RELN: variants seen among roughly 807,000 people sequenced by gnomAD.
RELN encodes the protein reelin.
Under a neutral mutation model 427.6 loss-of-function variants are expected in RELN, and 108 were observed. The observed-to-expected ratio is 0.25, with a 90% confidence interval of 0.22 to 0.30. The LOEUF (loss-of-function observed/expected upper bound fraction) is 0.30, where lower values mean the gene tolerates loss of function less well. RELN is among the 10% of genes least tolerant of loss of function. RELN has a pLI of 1.00. For synonymous variants in RELN, 1,524 were observed against 1,513.4 expected (o/e 1.01, Z -0.16); for missense variants, 3,715 against 4,302.8 (o/e 0.86, Z 3.82).
At chr7:103,592,078 T>G (rs1831428570) in intron 27 of RELN, among the ~76,000 whole-genome samples, 1 of 152,138 alleles carries the variant, frequency 6.6e-6, no homozygotes, top group Non-Finnish European at 1.5e-5. Flanking sequence ...TAATCTGAAT[T>G]TTGTTATATA....
intron 42 of RELN, among the ~76,000 whole-genome samples, chr7:103,544,546 A>G (rs556048650): frequency 6.6e-6 from 1 of 152,308 alleles, no homozygotes; most frequent in African/African-American, 2.4e-5. Flanking sequence ...TTTTAATCCC[A>G]CTACCCTAAT....
At chr7:103,906,512 C>T (rs192042423) in intron 2 of RELN, among the ~76,000 whole-genome samples, 5 of 147,516 alleles carry the variant, frequency 3.4e-5, no homozygotes, top group Non-Finnish European at 6.0e-5. Flanking sequence ...TGGAAAGCTC[C>T]GGTACCTCAG....
At chr7:103,924,991 T>TACACACACACACAC (rs57662220) in intron 1 of RELN, among the ~76,000 whole-genome samples, 19 of 49,096 alleles carry the variant, frequency 3.9e-4, no homozygotes, top group South Asian at 9.6e-4. Context: ...CGCATACACA[T>TACACACACACACAC]ACACACACAC....
chr7:103,507,543 G>A (rs2117052252), intron 51 of RELN, among the ~76,000 whole-genome samples: 1 of 152,238 alleles, frequency 6.6e-6, no homozygotes, highest in African/African-American at 2.4e-5. Flanking sequence ...GTGTGTAGAG[G>A]GAAATTTATA....
chr7:103,601,457 A>T (rs1310339859), intron 24 of RELN, among the ~76,000 whole-genome samples: 1 of 152,170 alleles, frequency 6.6e-6, no homozygotes, highest in African/African-American at 2.4e-5. Flanking sequence ...TATTTGCATA[A>T]ATTAACACAT....
rs751584279 is a variant in RELN at position 103,652,682 on chromosome 7, G to T, written c.1632C>A (p.Asn544Lys). 1.2e-6 allele frequency: 2 copies of T among 1,612,836 alleles called. No individual in the cohort carries two copies. The highest frequency in any genetic ancestry group is 1.7e-6 in the Non-Finnish European group (2 of 1,179,290). The change falls in exon 14 of 65, where the codon AAC (asparagine) becomes AAA (lysine). Residue 544 changes from asparagine (N) to lysine (K), a missense_variant. Asn to Lys is a moderately conservative substitution (Grantham distance 94). This residue lies in a region of RELN where 2,208 missense variants were observed against 2,361.7 expected (regional missense o/e 0.93). Transcript: ENST00000428762. ...PATKFCLRQK[N>K]HQGHNRNVWA... ...AGACATTCCTATTATGTCCTTGATG[G>T]TTCTTTTGCCTGAGACAAAATTTGG...
intron 6 of RELN, among the ~76,000 whole-genome samples, chr7:103,744,434 G>A (rs1790760325): frequency 6.6e-6 from 1 of 151,898 alleles, no homozygotes; most frequent in African/African-American, 2.4e-5. Flanking sequence ...GGAAGGAAAT[G>A]GAGACACAAA....
At chr7:103,961,493 C>T (rs770440826) in intron 1 of RELN, among the ~76,000 whole-genome samples, 1 of 152,188 alleles carries the variant, frequency 6.6e-6, no homozygotes, top group Non-Finnish European at 1.5e-5. Flanking sequence ...GTAATTCACT[C>T]ACCAGGTAAT....
chr7:103,472,866 A>G lies in RELN; in HGVS notation c.10329T>C (p.His3443=). The G allele has an allele frequency of 6.2e-7, 1 of 1,613,996 alleles. No homozygotes were observed. Among genetic ancestry groups the G allele is most frequent in the Non-Finnish European group, 8.5e-7 (1 of 1,179,890 alleles). The part of the protein sequence containing the change: ...QNYMMNFSRQ[H]GLRHFYNRRR... ...TTCTGTTGTAGAAATGTCTGAGCCC[A>G]TGTTGTCGTGAAAAATTCATCATGT... Residue 3443 remains histidine, a synonymous_variant, in exon 65 of 65, where the codon CAT becomes CAC. Transcript: ENST00000428762.
At chr7:103,595,572 T>G (rs1314224796) in intron 25 of RELN, among the ~76,000 whole-genome samples, 1 of 152,190 alleles carries the variant, frequency 6.6e-6, no homozygotes, top group African/African-American at 2.4e-5. Flanking sequence ...TAAAACATAT[T>G]CAGTCTGTAA....
chr7:103,749,401 A>G (rs1330407727), intron 6 of RELN, 25 bp downstream of exon 6: 1 of 1,581,614 alleles, frequency 6.3e-7, no homozygotes, highest in African/African-American at 1.3e-5. Flanking sequence ...AGCAAACCAA[A>G]GTGAGGAATG....
At position 103,572,236 on chromosome 7, in the gene RELN, A is replaced by C. The variant is rs745779477; in HGVS notation, c.4536T>G (p.Ile1512Met). The C allele has an allele frequency of 2.5e-6, 4 of 1,587,940 alleles. No homozygotes were observed. In the East Asian group the frequency reaches 8.9e-5, roughly 35 times the overall value. Residue 1512 changes from isoleucine (I) to methionine (M), a missense_variant, in exon 31 of 65, where the codon ATT (isoleucine) becomes ATG (methionine). By Grantham distance (10) the Ile-to-Met change is conservative (BLOSUM62 1). Transcript: ENST00000428762. Reference protein sequence around the residue: ...NIRLVQFYIQIGSKTSGITCI... With the variant: ...NIRLVQFYIQMGSKTSGITCI... Reference sequence around the variant, plus strand: ...AGGTAATGCCTGAAGTTTTGCTTCCAATTTGTATATAAAATTGAACAAGTC... The same window carrying C: ...AGGTAATGCCTGAAGTTTTGCTTCCCATTTGTATATAAAATTGAACAAGTC...
intron 37 of RELN, 33 bp from the exon 38 acceptor site, chr7:103,557,192 C>T (rs1830544114): frequency 3.2e-6 from 5 of 1,548,188 alleles, no homozygotes; most frequent in Non-Finnish European, 4.5e-6. Flanking sequence ...ATAAAACATA[C>T]TGTGATAAAA....
At chr7:103,870,747 G>A (rs966404861) in intron 2 of RELN, among the ~76,000 whole-genome samples, 6 of 151,988 alleles carry the variant, frequency 3.9e-5, no homozygotes, top group African/African-American at 7.2e-5. Flanking sequence ...TCTCAACCCT[G>A]TAGCAGCCAT....
chr7:103,479,676 A>G (rs137946561), intron 63 of RELN, among the ~76,000 whole-genome samples: 71 of 152,286 alleles, frequency 4.7e-4, no homozygotes, highest in African/African-American at 1.6e-3. Context: ...TGAAAATCAA[A>G]TCCTTCCACA....
At chr7:103,749,867 G>A (rs1007258866) in intron 5 of RELN, among the ~76,000 whole-genome samples, 4 of 152,208 alleles carry the variant, frequency 2.6e-5, no homozygotes, top group African/African-American at 9.6e-5. Flanking sequence ...ATCTTGAATT[G>A]TAGTTCCCAT....
At chr7:103,711,017 C>T (rs1381854898) in intron 8 of RELN, among the ~76,000 whole-genome samples, 1 of 152,116 alleles carries the variant, frequency 6.6e-6, no homozygotes, top group African/African-American at 2.4e-5. Context: ...GTACTCCAGC[C>T]TGGCAACAGA....
chr7:103,566,465 G>T, intron 32 of RELN, 53 bp from the exon 33 acceptor site: 1 of 1,588,304 alleles, frequency 6.3e-7, no homozygotes, highest in South Asian at 1.1e-5. Context: ...ATAGCAATAT[G>T]AATATCTTCA....
intron 41 of RELN, among the ~76,000 whole-genome samples, chr7:103,546,024 C>T (rs1409080343): frequency 6.6e-6 from 1 of 152,180 alleles, no homozygotes; most frequent in African/African-American, 2.4e-5. Context: ...AAGCATTAAC[C>T]ATTTAAAGTG....
Sources: gnomAD v4.1 joint callset for allele counts (sites outside exome capture counted in the v4.1 genomes callset) on GRCh38, gnomAD v4.1.1 for gene constraint, gnomAD v4.1.1 regional missense constraint, MANE v1.5 for transcripts, NCBI Gene and HGNC (gene_info 2026-07-23, HGNC 2026-07-21) for gene names.